ZFHX3: variants seen among roughly 807,000 people sequenced by gnomAD.
ZFHX3 encodes zinc finger homeobox 3, also known as zinc finger homeobox protein 3.
A neutral mutation model predicts 279.1 loss-of-function variants in ZFHX3; 42 were observed. The ratio of observed to expected loss-of-function variants is 0.15; its 90% CI spans 0.12 to 0.19. ZFHX3 has a LOEUF of 0.19. Ranked by LOEUF, ZFHX3 falls within the 10% of genes least tolerant of loss-of-function variation. The pLI, the probability that ZFHX3 is intolerant of heterozygous loss-of-function variation, is 1.00. For missense variants in ZFHX3, 4,981 were observed against 4,754.0 expected (o/e 1.05, Z -1.40); for synonymous variants, 2,293 against 1,957.8 (o/e 1.17, Z -4.52).
At chr16:73,550,083 CTTG>C (rs996030336) in intron 2 of ZFHX3, among the ~76,000 whole-genome samples, 1 of 152,158 alleles carries the variant, frequency 6.6e-6, no homozygotes, top group African/African-American at 2.4e-5. Flanking sequence ...GATTGTTTCA[CTTG>C]TTGTCAGAGG....
intron 4 of ZFHX3, among the ~76,000 whole-genome samples, chr16:72,843,962 T>A (rs1183674261): frequency 6.6e-6 from 1 of 151,974 alleles, no homozygotes; most frequent in Non-Finnish European, 1.5e-5. Context: ...AATAAAAGCA[T>A]CACATTTAAA....
intron 2 of ZFHX3, among the ~76,000 whole-genome samples, chr16:73,484,939 G>A (rs377324732): frequency 4.6e-5 from 7 of 151,566 alleles, no homozygotes; most frequent in East Asian, 3.9e-4. Flanking sequence ...CCACATACTC[G>A]CCTTTAGAAC....
At chr16:73,356,602 G>A (rs879709721) in intron 3 of ZFHX3, among the ~76,000 whole-genome samples, 2 of 152,010 alleles carry the variant, frequency 1.3e-5, no homozygotes, top group Non-Finnish European at 2.9e-5. Flanking sequence ...CAAGCTGAGC[G>A]ACCTTGGACA....
At chr16:72,995,156 A>G (rs942512958) in intron 1 of ZFHX3, among the ~76,000 whole-genome samples, 20 of 152,296 alleles carry the variant, frequency 1.3e-4, no homozygotes, top group Admixed American at 8.5e-4. Flanking sequence ...AAATTAACAC[A>G]TTTCAGAAAA....
At chr16:73,399,672 A>G (rs2017207170) in intron 3 of ZFHX3, among the ~76,000 whole-genome samples, 1 of 152,148 alleles carries the variant, frequency 6.6e-6, no homozygotes, top group African/African-American at 2.4e-5. Context: ...ACTGCCTCCA[A>G]CAGGAATCGA....
In ZFHX3 at chr16:72,960,203, C is replaced by G; in HGVS notation, c.-49-9G>C. The G allele has an allele frequency of 2.1e-6, 3 of 1,460,422 alleles. No homozygotes were observed. Among genetic ancestry groups the G allele is most frequent in the South Asian group, 1.6e-5 (1 of 63,422 alleles). 90.5% of individuals were successfully genotyped at this position (1,460,422 alleles called of 1,614,324 possible). A position where few individuals can be genotyped will look rare whatever the true frequency, so the allele number is the denominator to read the frequency against. On this transcript the variant is annotated splice_polypyrimidine_tract_variant and intron_variant, in intron 1 of 9. Coordinates refer to ENST00000268489, the MANE Select transcript of ZFHX3 (RefSeq NM_006885.4). ...AGTACGGAGGCTCGGACCTGAAGGG[C>G]AGAGGCAAGGGGGGAGGAGGGAGAG... is the stretch of plus-strand genomic sequence containing the variant.
At chr16:73,691,466 A>G (rs1456689870) in intron 1 of ZFHX3, among the ~76,000 whole-genome samples, 1 of 152,240 alleles carries the variant, frequency 6.6e-6, no homozygotes, top group Non-Finnish European at 1.5e-5. Flanking sequence ...TTTATTTAGA[A>G]TAAGACAAAT....
intron 1 of ZFHX3, among the ~76,000 whole-genome samples, chr16:73,766,174 G>C (rs1273745790): frequency 6.6e-6 from 1 of 152,100 alleles, no homozygotes; most frequent in African/African-American, 2.4e-5. Flanking sequence ...CCCTCATAGT[G>C]ACAGCGTGCA....
At position 73,294,938 on chromosome 16, in the gene ZFHX3, G is replaced by A. The variant is rs528064760; in HGVS notation, c.-1194+23302C>T. 9.6e-4 allele frequency among the ~76,000 whole-genome samples: 146 copies of A among 151,958 alleles called. 2 individuals carry two copies. The highest frequency in any genetic ancestry group is 3.4e-3 in the African/African-American group (140 of 41,466). Reference sequence around the variant, plus strand: ...TCTCAACATCCACAGCCACGGCTGGGCGCGGTGACTCACGCCTGTAATCCC... The same window carrying A: ...TCTCAACATCCACAGCCACGGCTGGACGCGGTGACTCACGCCTGTAATCCC... On this transcript the variant is annotated intron_variant, in intron 4 of 17. Coordinates refer to the ZFHX3 transcript ENST00000641206.
Position 73,745,520 on chromosome 16 carries a change from G to T in ZFHX3, c.-1607-65280C>A, listed in dbSNP as rs1417624507. 2.0e-5 allele frequency among the ~76,000 whole-genome samples: 3 copies of T among 152,200 alleles called. No individual in the cohort carries two copies. In the East Asian group the frequency reaches 5.8e-4, roughly 29 times the overall value. On this transcript the variant is annotated intron_variant, in intron 1 of 17. Transcript: ENST00000641206. ...AGATAATAGGGAGAGGTGAAGTCCA[G>T]TGCAGTAGACTATGAAAATCTCCCT...
intron 2 of ZFHX3, among the ~76,000 whole-genome samples, chr16:73,647,282 C>G (rs1433766077): frequency 3.3e-5 from 5 of 152,096 alleles, no homozygotes; most frequent in Non-Finnish European, 7.4e-5. Context: ...GTTGTACCAA[C>G]TTTTAAAGGA....
chr16:73,783,332 T>C (rs1959535105), intron 1 of ZFHX3, among the ~76,000 whole-genome samples: 1 of 152,226 alleles, frequency 6.6e-6, no homozygotes, highest in Admixed American at 6.5e-5. Context: ...TGTTGAACTC[T>C]TTCCTGTGTC....
intron 1 of ZFHX3, among the ~76,000 whole-genome samples, chr16:73,869,582 C>T (rs62041526): frequency 6.6e-6 from 1 of 152,332 alleles, no homozygotes; most frequent in Non-Finnish European, 1.5e-5. Flanking sequence ...TGTGTATTTG[C>T]ATGACTGTAT....
intron 7 of ZFHX3, among the ~76,000 whole-genome samples, chr16:72,805,594 TAAAA>T (rs2036240887): frequency 6.6e-6 from 1 of 152,342 alleles, no homozygotes; most frequent in East Asian, 1.9e-4. Context: ...AGCATGAAGT[TAAAA>T]GCCAGCTGCT....
intron 1 of ZFHX3, among the ~76,000 whole-genome samples, chr16:73,869,279 C>A (rs957849481): frequency 2.0e-5 from 3 of 152,180 alleles, no homozygotes; most frequent in East Asian, 3.9e-4. Flanking sequence ...AGCAAACAGC[C>A]CCGACCACCC....
chr16:73,113,677 C>T (rs1477900685), intron 7 of ZFHX3, among the ~76,000 whole-genome samples: 1 of 151,954 alleles, frequency 6.6e-6, no homozygotes, highest in Non-Finnish European at 1.5e-5. Context: ...TGGAATTAAA[C>T]ACGGATGGCG....
chr16:73,770,547 A>C (rs2054006007), intron 1 of ZFHX3, among the ~76,000 whole-genome samples: 1 of 152,240 alleles, frequency 6.6e-6, no homozygotes, highest in Non-Finnish European at 1.5e-5. Flanking sequence ...CAAAACATTT[A>C]GATAATAATA....
chr16:73,223,310 C>T (rs901659240), intron 5 of ZFHX3, among the ~76,000 whole-genome samples: 2 of 152,068 alleles, frequency 1.3e-5, no homozygotes, highest in African/African-American at 4.8e-5. Context: ...AAAATATTTG[C>T]AAACGAAATA....
rs1455156692 is a variant in ZFHX3 at position 73,146,751 on chromosome 16, G to T, written c.-1103-2920C>A. ...CAATCCTGCAAACTTGACCTCCCAGGCTCAAGCAATCCTCTCATCTCAGCC... is the reference window on the plus strand; with the variant it reads ...CAATCCTGCAAACTTGACCTCCCAGTCTCAAGCAATCCTCTCATCTCAGCC... On this transcript the variant is annotated intron_variant, in intron 5 of 17. Transcript: ENST00000641206. 2.0e-5 allele frequency among the ~76,000 whole-genome samples: 3 copies of T among 152,100 alleles called. No homozygotes were observed. The East Asian group carries it at 5.8e-4, about 29-fold the overall frequency.
Sources: gnomAD v4.1 joint callset for allele counts (sites outside exome capture counted in the v4.1 genomes callset) on GRCh38, gnomAD v4.1.1 for gene constraint, MANE v1.5 for transcripts, NCBI Gene and HGNC (gene_info 2026-07-23, HGNC 2026-07-21) for gene names.